PAM: variants seen among roughly 807,000 people sequenced by gnomAD.
PAM encodes peptidyl-glycine alpha-amidating monooxygenase.
A neutral mutation model predicts 122.1 loss-of-function variants in PAM; 72 were observed. That is an observed-to-expected ratio of 0.59 (90% CI 0.49 to 0.72). PAM has a LOEUF of 0.72. PAM is among the 30% of genes least tolerant of loss of function. PAM has a pLI of 0.00. For missense variants in PAM, 1,106 were observed against 1,183.7 expected (o/e 0.93, Z 0.96); for synonymous variants, 389 against 404.4 (o/e 0.96, Z 0.46).
At chr5:102,880,058 A>C (rs558700465) in intron 3 of PAM, among the ~76,000 whole-genome samples, 4 of 152,292 alleles carry the variant, frequency 2.6e-5, no homozygotes, top group Admixed American at 2.6e-4. Context: ...AGGAAGGTGG[A>C]TCACTTGAGC....
intron 1 of PAM, among the ~76,000 whole-genome samples, chr5:102,833,438 A>C (rs1217088061): frequency 6.6e-6 from 1 of 152,332 alleles, no homozygotes; most frequent in Admixed American, 6.5e-5. Context: ...GTTAAAATAT[A>C]AAACTTATTA....
intron 3 of PAM, among the ~76,000 whole-genome samples, chr5:102,899,590 T>C (rs1390984685): frequency 6.6e-6 from 1 of 151,764 alleles, no homozygotes; most frequent in African/African-American, 2.4e-5. Context: ...TTTTAAGTCA[T>C]TATTTGTCAC....
At chr5:103,022,981 A>G (rs752393623) in intron 23 of PAM, among the ~76,000 whole-genome samples, 6 of 152,136 alleles carry the variant, frequency 3.9e-5, no homozygotes, top group Non-Finnish European at 5.9e-5. Flanking sequence ...AAAAATGTAG[A>G]GCATCTTTTA....
chr5:102,988,817 T>TA (rs542592388), intron 15 of PAM, among the ~76,000 whole-genome samples: 7 of 152,270 alleles, frequency 4.6e-5, no homozygotes, highest in African/African-American at 9.6e-5. Flanking sequence ...TAATTTTTAT[T>TA]AAAAAAATGT....
intron 1 of PAM, among the ~76,000 whole-genome samples, chr5:102,829,053 A>G (rs146748642): frequency 6.6e-6 from 1 of 152,118 alleles, no homozygotes; most frequent in African/African-American, 2.4e-5. Flanking sequence ...TTAAAGACTT[A>G]AAGATATATA....
intron 7 of PAM, among the ~76,000 whole-genome samples, chr5:102,927,444 CTT>C (rs1749972193): frequency 6.6e-6 from 1 of 152,112 alleles, no homozygotes; most frequent in African/African-American, 2.4e-5. Context: ...GTCTTGCTGA[CTT>C]ATATATATTC....
intron 1 of PAM, among the ~76,000 whole-genome samples, chr5:102,790,571 G>A (rs1293827635): frequency 6.6e-6 from 1 of 152,036 alleles, no homozygotes; most frequent in Non-Finnish European, 1.5e-5. Flanking sequence ...GTTAGATAGA[G>A]CTTCTTCATA....
chr5:102,961,429 A>G lies in PAM; in HGVS notation c.1162+200A>G, dbSNP rs1762466046. Among the ~76,000 whole-genome samples the G allele has an allele frequency of 2.0e-5, 3 of 151,930 alleles. No individual in the cohort carries two copies. In the South Asian group the frequency reaches 6.2e-4, roughly 31 times the overall value. ...AGCTTTGAAAGTAAAATTCATTCAT[A>G]TAATTTAGTGCTGTTTCATTTTCTG... On this transcript the variant is annotated intron_variant, in intron 14 of 25. Coordinates refer to ENST00000438793, the MANE Select transcript of PAM (RefSeq NM_001177306.2).
At chr5:103,007,180 C>CAT (rs1193506170) in intron 19 of PAM, among the ~76,000 whole-genome samples, 169 bp downstream of exon 19, 2 of 136,962 alleles carry the variant, frequency 1.5e-5, no homozygotes, top group African/African-American at 5.7e-5. Flanking sequence ...CACACACACA[C>CAT]ACACATATAC....
In PAM at chr5:103,028,909, C is replaced by T. The variant is rs760934477; in HGVS notation, c.2766C>T (p.Asn922=). Reference sequence around the variant, plus strand: ...CAGGAAAGGGAAGTGGAGGCTTAAACCTTGGTAATTTCTTTGCAAGCCGTA... The same window carrying T: ...CAGGAAAGGGAAGTGGAGGCTTAAATCTTGGTAATTTCTTTGCAAGCCGTA... ...RFRGKGSGGL[N]LGNFFASRKG... The change falls in exon 26 of 26, where the codon AAC becomes AAT. Residue 922 remains asparagine, a synonymous_variant. Transcript: ENST00000438793. 1 of 1,610,768 alleles carries T rather than the reference C, an allele frequency of 6.2e-7. No individual in the cohort carries two copies. The highest frequency in any genetic ancestry group is 1.1e-5 in the South Asian group (1 of 90,402).
chr5:102,809,132 T>C (rs79080981), intron 1 of PAM, among the ~76,000 whole-genome samples: 2,194 of 152,268 alleles, frequency 0.014, 58 homozygotes, highest in African/African-American at 0.05. Context: ...TCTGAATCTC[T>C]TCATTCTGAG....
At chr5:102,981,619 A>G (rs1389308199) in intron 15 of PAM, among the ~76,000 whole-genome samples, 3 of 152,232 alleles carry the variant, frequency 2.0e-5, no homozygotes, top group Non-Finnish European at 2.9e-5. Flanking sequence ...AAAACCATGA[A>G]TAAGGGATGA....
intron 1 of PAM, among the ~76,000 whole-genome samples, chr5:102,835,029 T>C (rs1262181063): frequency 6.6e-6 from 1 of 152,154 alleles, no homozygotes; most frequent in Non-Finnish European, 1.5e-5. Context: ...TCTTTTCCCC[T>C]TGTGGTTCAA....
At position 102,787,673 on chromosome 5, in the gene PAM, T is replaced by A. The variant is rs142823623; in HGVS notation, c.-374+32325T>A. On this transcript the variant is annotated intron_variant, in intron 1 of 25. Coordinates refer to ENST00000438793, the MANE Select transcript of PAM (RefSeq NM_001177306.2). ...ATTGTGCAGCTCTTAGCAAGGAAAT[T>A]TGTATTTGATACTTCCTAGGGGACC... Among the ~76,000 whole-genome samples the A allele has an allele frequency of 3.4e-4, 51 of 152,080 alleles. 1 individual carries two copies. The East Asian group carries it at 6.8e-3, about 20-fold the overall frequency.
In PAM at chr5:102,916,489, G is replaced by A. The variant is rs960858287; in HGVS notation, c.356+2468G>A. ...TCATAAAACAAGGACAATTGGTGCT[G>A]TTATTCATCATCTTTTAACCAAGCC... On this transcript the variant is annotated intron_variant, in intron 5 of 25. Coordinates refer to ENST00000438793, the MANE Select transcript of PAM (RefSeq NM_001177306.2). Among the ~76,000 whole-genome samples, 3 of 151,728 alleles carry A rather than the reference G, an allele frequency of 2.0e-5. No individual in the cohort carries two copies. The East Asian group carries it at 5.8e-4, about 29-fold the overall frequency.
intron 15 of PAM, among the ~76,000 whole-genome samples, chr5:102,978,848 C>A (rs1768665740): frequency 6.6e-6 from 1 of 151,060 alleles, no homozygotes. Context: ...AAAAAAAACA[C>A]CTATACATAG....
At chr5:102,823,336 A>C (rs1396447867) in intron 1 of PAM, among the ~76,000 whole-genome samples, 1 of 152,240 alleles carries the variant, frequency 6.6e-6, no homozygotes, top group Non-Finnish European at 1.5e-5. Flanking sequence ...TTGCTATAAA[A>C]ATCTTGCTAA....
At chr5:102,787,346 G>A (rs975366032) in intron 1 of PAM, among the ~76,000 whole-genome samples, 1 of 152,024 alleles carries the variant, frequency 6.6e-6, no homozygotes, top group Non-Finnish European at 1.5e-5. Flanking sequence ...GTGCTGTCTA[G>A]AGTTCTTATG....
At chr5:102,762,677 G>T (rs1752703285) in intron 1 of PAM, among the ~76,000 whole-genome samples, 1 of 152,054 alleles carries the variant, frequency 6.6e-6, no homozygotes, top group African/African-American at 2.4e-5. Flanking sequence ...AACAATGAGG[G>T]TTAAAAAAAA....
Sources: allele counts gnomAD v4.1 joint callset (sites outside exome capture counted in the v4.1 genomes callset), GRCh38; gene constraint gnomAD v4.1.1; transcripts MANE v1.5; gene names NCBI Gene and HGNC (gene_info 2026-07-23, HGNC 2026-07-21).